UNC13C: variants seen among roughly 807,000 people sequenced by gnomAD.
UNC13C encodes the protein unc-13 homolog C.
UNC13C carries 174 observed loss-of-function variants against 245.4 expected under a neutral mutation model. The ratio of observed to expected loss-of-function variants is 0.71; its 90% CI spans 0.63 to 0.80. The LOEUF (loss-of-function observed/expected upper bound fraction) is 0.80. UNC13C is among the 30% of genes least tolerant of loss of function. UNC13C has a pLI of 0.00. For missense variants in UNC13C, 2,829 were observed against 2,602.9 expected (o/e 1.09, Z -1.89); for synonymous variants, 992 against 895.1 (o/e 1.11, Z -1.93).
At chr15:54,234,104 C>T (rs187502232) in intron 4 of UNC13C, among the ~76,000 whole-genome samples, 1 of 136,492 alleles carries the variant, frequency 7.3e-6, no homozygotes, top group Admixed American at 7.1e-5. Context: ...AAGTTTATAA[C>T]AGGGATTTTT....
intron 1 of UNC13C, among the ~76,000 whole-genome samples, chr15:54,004,888 C>G (rs1595701526): frequency 6.6e-6 from 1 of 151,958 alleles, no homozygotes; most frequent in African/African-American, 2.4e-5. Flanking sequence ...GTTTGAGCTC[C>G]TTATATATTC....
At chr15:54,009,300 A>G (rs894991355) in intron 1 of UNC13C, among the ~76,000 whole-genome samples, 2 of 152,156 alleles carry the variant, frequency 1.3e-5, no homozygotes, top group Non-Finnish European at 2.9e-5. Flanking sequence ...CCACTATATC[A>G]TAATTTTCAC....
intron 24 of UNC13C, among the ~76,000 whole-genome samples, chr15:54,520,202 AG>A (rs1448228017): frequency 1.3e-5 from 2 of 152,144 alleles, no homozygotes; most frequent in African/African-American, 4.8e-5. Context: ...GAAGAGGAAA[AG>A]GCAGGTGGAT....
chr15:54,272,385 G>A (rs1384210422), intron 10 of UNC13C, among the ~76,000 whole-genome samples: 3 of 151,654 alleles, frequency 2.0e-5, no homozygotes, highest in African/African-American at 4.9e-5. Flanking sequence ...TGATAGCACA[G>A]CAGACTAATA....
chr15:54,511,607 TATA>T, intron 23 of UNC13C, 143 bp from the exon 24 acceptor site: 2 of 595,010 alleles, frequency 3.4e-6, no homozygotes, highest in Non-Finnish European at 5.9e-6. Flanking sequence ...TGTTACAAAC[TATA>T]ATGTTGAAAT....
At chr15:54,125,374 A>G (rs1362912130) in intron 2 of UNC13C, among the ~76,000 whole-genome samples, 2 of 152,150 alleles carry the variant, frequency 1.3e-5, no homozygotes, top group Non-Finnish European at 2.9e-5. Flanking sequence ...GAGGCAGGAG[A>G]ATCACTTGAA....
chr15:54,155,309 C>T (rs2032695519), intron 4 of UNC13C, among the ~76,000 whole-genome samples: 2 of 152,072 alleles, frequency 1.3e-5, no homozygotes, highest in Non-Finnish European at 1.5e-5. Context: ...TGACAGGATT[C>T]TAAAGAATAA....
chr15:53,843,023 A>T, the UNC13C span, among the ~76,000 whole-genome samples: 1 of 152,046 alleles, frequency 6.6e-6, no homozygotes, highest in East Asian at 1.9e-4. Flanking sequence ...CACAACTAGA[A>T]TGGTCAAAAG....
At chr15:54,248,268 T>C (rs1323186133) in intron 7 of UNC13C, among the ~76,000 whole-genome samples, 4 of 152,186 alleles carry the variant, frequency 2.6e-5, no homozygotes, top group Non-Finnish European at 5.9e-5. Flanking sequence ...TGCAAGTATA[T>C]AAATTAGTTC....
chr15:54,213,503 A>G (rs555125324), intron 4 of UNC13C, among the ~76,000 whole-genome samples: 17 of 152,192 alleles, frequency 1.1e-4, no homozygotes, highest in African/African-American at 4.1e-4. Flanking sequence ...CAACTAATTG[A>G]TAGTTACTTA....
chr15:54,509,920 T>G (rs944657152), intron 23 of UNC13C, among the ~76,000 whole-genome samples: 1 of 152,136 alleles, frequency 6.6e-6, no homozygotes, highest in Non-Finnish European at 1.5e-5. Context: ...CATCTCCTCT[T>G]TTTTCTCTGT....
the UNC13C span, among the ~76,000 whole-genome samples, chr15:53,873,920 CT>C: frequency 1.6e-4 from 3 of 19,310 alleles, no homozygotes; most frequent in South Asian, 2.2e-3. Flanking sequence ...TCCTTCCTTC[CT>C]TTCTTCCTTC....
At chr15:54,612,422 GTC>G (rs1268361075) in intron 30 of UNC13C, among the ~76,000 whole-genome samples, 1 of 151,910 alleles carries the variant, frequency 6.6e-6, no homozygotes, top group Non-Finnish European at 1.5e-5. Flanking sequence ...GATAGTAACC[GTC>G]TCTCTGTAAC....
chr15:54,238,024 T>A (rs2035751059), intron 7 of UNC13C, among the ~76,000 whole-genome samples: 1 of 151,596 alleles, frequency 6.6e-6, no homozygotes, highest in African/African-American at 2.4e-5. Context: ...ACATCTTCCA[T>A]CTTCCTCCCC....
the UNC13C span, among the ~76,000 whole-genome samples, chr15:53,966,039 A>C: frequency 2.6e-5 from 4 of 152,134 alleles, no homozygotes; most frequent in African/African-American, 9.7e-5. Flanking sequence ...ACTTTTATCT[A>C]TAGGTTTCCC....
intron 13 of UNC13C, among the ~76,000 whole-genome samples, chr15:54,302,141 GT>G (rs1268921336): frequency 6.6e-6 from 1 of 151,950 alleles, no homozygotes; most frequent in African/African-American, 2.4e-5. Flanking sequence ...GGGGCTGTTT[GT>G]TTTTTTCTTG....
At chr15:54,470,577 T>G (rs1892406725) in intron 19 of UNC13C, among the ~76,000 whole-genome samples, 1 of 150,444 alleles carries the variant, frequency 6.6e-6, no homozygotes, top group African/African-American at 2.4e-5. Context: ...CTTTGTGTTA[T>G]CAGCTGTAAT....
At chr15:54,058,083 C>T (rs1288021746) in intron 2 of UNC13C, among the ~76,000 whole-genome samples, 1 of 151,868 alleles carries the variant, frequency 6.6e-6, no homozygotes, top group Non-Finnish European at 1.5e-5. Context: ...CATTCAAAAG[C>T]TAGCAGAAGG....
At chr15:53,968,262 C>G in the UNC13C span, 1 of 152,140 alleles carries the variant, frequency 6.6e-6, no homozygotes, top group African/African-American at 2.4e-5. Context: ...CCCTAGGCAA[C>G]CCCCGTGGGT....
Sources: gnomAD v4.1 joint callset for allele counts (sites outside exome capture counted in the v4.1 genomes callset) on GRCh38, gnomAD v4.1.1 for gene constraint, MANE v1.5 for transcripts, NCBI Gene and HGNC (gene_info 2026-07-23, HGNC 2026-07-21) for gene names.